The following FMNL2 variants were observed in gnomAD, a reference collection of about 807,000 sequenced individuals.
FMNL2 encodes the protein formin-like protein 2.
Under a neutral mutation model 130.2 loss-of-function variants are expected in FMNL2, and 51 were observed. The observed-to-expected ratio is 0.39, with a 90% CI of 0.31 to 0.49. FMNL2 has a LOEUF of 0.49. Ranked by LOEUF, FMNL2 falls within the 20% of genes least tolerant of loss-of-function variation. The pLI, the probability that FMNL2 is intolerant of heterozygous loss-of-function variation, is 0.85. For missense variants in FMNL2, 977 were observed against 1,316.2 expected (o/e 0.74, Z 3.99); for synonymous variants, 465 against 467.1 (o/e 1.00, Z 0.06).
intron 1 of FMNL2, among the ~76,000 whole-genome samples, chr2:152,490,587 G>GTGTGTGTGTT (rs1417884877): frequency 6.7e-6 from 1 of 150,026 alleles, no homozygotes; most frequent in African/African-American, 2.4e-5. Flanking sequence ...GTGTGTGTGT[G>GTGTGTGTGTT]TGTGTGTGTG....
chr2:152,639,921 A>G, intron 23 of FMNL2, 37 bp from the exon 24 acceptor site: 5 of 1,517,792 alleles, frequency 3.3e-6, no homozygotes, highest in South Asian at 1.3e-5. Flanking sequence ...TCTCATTTCC[A>G]TTAACATCAT....
chr2:152,549,622 A>C (rs950312710), intron 4 of FMNL2, among the ~76,000 whole-genome samples: 14 of 152,190 alleles, frequency 9.2e-5, no homozygotes, highest in African/African-American at 3.4e-4. Flanking sequence ...TGAAGTGTAA[A>C]TCCACTGTGG....
Position 152,558,666 on chromosome 2 carries a change from T to C in FMNL2, c.360-74T>C, listed in dbSNP as rs192325955. The C allele has an allele frequency of 2.6e-4, 362 of 1,389,698 alleles. 2 individuals carry two copies. In the East Asian group the frequency reaches 6.6e-3, roughly 25 times the overall value. The allele number at this position is 1,389,698 out of a possible 1,614,324, so 86.1% of individuals were successfully genotyped here. The stretch of plus-strand genomic sequence containing the variant: ...AGTTTCTGGTGGAAAAAACAAAACT[T>C]TGCATTGTGTCCGTTCCATGGCAGG... On this transcript the variant is annotated intron_variant, in intron 4 of 25. Transcript: ENST00000288670.
chr2:152,475,725 C>T (rs565357048), intron 1 of FMNL2, among the ~76,000 whole-genome samples: 2 of 152,202 alleles, frequency 1.3e-5, no homozygotes, highest in East Asian at 3.9e-4. Context: ...TGTTGAACAC[C>T]TGACCTCAAG....
At chr2:152,490,420 C>T (rs1691089013) in intron 1 of FMNL2, among the ~76,000 whole-genome samples, 1 of 152,072 alleles carries the variant, frequency 6.6e-6, no homozygotes, top group African/African-American at 2.4e-5. Flanking sequence ...GAGTTGACTG[C>T]TACAGTTTAT....
chr2:152,635,318 G>A (rs1682499730), intron 21 of FMNL2, among the ~76,000 whole-genome samples: 1 of 152,102 alleles, frequency 6.6e-6, no homozygotes, highest in Admixed American at 6.6e-5. Flanking sequence ...CAAGGCTCTC[G>A]TGTCCTTTGC....
intron 9 of FMNL2, among the ~76,000 whole-genome samples, chr2:152,588,739 G>A (rs1697223501): frequency 6.6e-6 from 1 of 151,998 alleles, no homozygotes; most frequent in Admixed American, 6.6e-5. Context: ...AGAAAAATTG[G>A]GATAGGAAAT....
intron 1 of FMNL2, among the ~76,000 whole-genome samples, chr2:152,496,359 A>G (rs552080633): frequency 6.6e-6 from 1 of 152,254 alleles, no homozygotes; most frequent in South Asian, 2.1e-4. Flanking sequence ...TCTTGTGTAC[A>G]TATTAGTGCA....
At chr2:152,538,750 G>A (rs1377948206) in intron 2 of FMNL2, among the ~76,000 whole-genome samples, 3 of 152,074 alleles carry the variant, frequency 2.0e-5, no homozygotes, top group Admixed American at 6.6e-5. Flanking sequence ...GTAAAACTTG[G>A]GGTTGCCTGT....
chr2:152,531,170 A>C (rs191191292), intron 2 of FMNL2, among the ~76,000 whole-genome samples: 2 of 152,330 alleles, frequency 1.3e-5, no homozygotes, highest in African/African-American at 4.8e-5. Flanking sequence ...ATTTTCAGAT[A>C]GAGTATAACT....
chr2:152,458,746 G>T (rs929453363), intron 1 of FMNL2, among the ~76,000 whole-genome samples: 3 of 152,160 alleles, frequency 2.0e-5, no homozygotes, highest in African/African-American at 7.2e-5. Context: ...GTGGCCCCAC[G>T]TGATGCTGTG....
intron 23 of FMNL2, 104 bp from the exon 24 acceptor site, chr2:152,639,854 T>TAAAAAA: frequency 1.1e-6 from 1 of 920,760 alleles, no homozygotes; most frequent in South Asian, 2.0e-5. Context: ...TTCCATTTAT[T>TAAAAAA]GTAATTCTCA....
intron 6 of FMNL2, among the ~76,000 whole-genome samples, 178 bp downstream of exon 6, chr2:152,561,213 T>G (rs148881627): frequency 1.2e-4 from 18 of 152,292 alleles, no homozygotes; most frequent in African/African-American, 4.3e-4. Context: ...GGGCAATGTT[T>G]GATAACTTTA....
intron 1 of FMNL2, chr2:152,390,508 T>A: frequency 6.5e-7 from 1 of 1,546,436 alleles, no homozygotes; most frequent in Non-Finnish European, 8.9e-7. Context: ...GTGGAAAAGA[T>A]GATGTATGAC....
intron 1 of FMNL2, among the ~76,000 whole-genome samples, chr2:152,455,943 T>G (rs1688930682): frequency 6.6e-6 from 1 of 152,216 alleles, no homozygotes; most frequent in South Asian, 2.1e-4. Context: ...TTTTAACTCC[T>G]AGCCTCAATT....
intron 1 of FMNL2, among the ~76,000 whole-genome samples, chr2:152,396,370 T>TCA (rs1685394013): frequency 6.6e-6 from 1 of 152,240 alleles, no homozygotes; most frequent in Non-Finnish European, 1.5e-5. Flanking sequence ...TTTAGAGAAC[T>TCA]GATTCGTAAT....
At chr2:152,509,048 C>A (rs1341748996) in intron 1 of FMNL2, among the ~76,000 whole-genome samples, 1 of 152,212 alleles carries the variant, frequency 6.6e-6, no homozygotes, top group Non-Finnish European at 1.5e-5. Context: ...GCACATGTCA[C>A]CATGCTTCCT....
chr2:152,433,094 A>G (rs959679882), intron 1 of FMNL2, among the ~76,000 whole-genome samples: 2 of 152,154 alleles, frequency 1.3e-5, no homozygotes, highest in African/African-American at 4.8e-5. Context: ...CCAGGACCTA[A>G]TAGGCGCTGA....
chr2:152,465,047 T>C (rs990300371), intron 1 of FMNL2, among the ~76,000 whole-genome samples: 3 of 152,198 alleles, frequency 2.0e-5, no homozygotes, highest in Non-Finnish European at 4.4e-5. Flanking sequence ...CCATGACTTG[T>C]AATACAGTGG....
Sources: allele counts gnomAD v4.1 joint callset (sites outside exome capture counted in the v4.1 genomes callset), GRCh38; gene constraint gnomAD v4.1.1; transcripts MANE v1.5; gene names NCBI Gene and HGNC (gene_info 2026-07-23, HGNC 2026-07-21).